RETREG1: variants seen among roughly 807,000 people sequenced by gnomAD.
RETREG1 encodes reticulophagy regulator 1, also known as family with sequence similarity 134 member B.
In RETREG1, 44 loss-of-function variants were observed where a neutral mutation model predicts 54.8. The observed-to-expected ratio is 0.80, with a 90% CI of 0.63 to 1.03. The LOEUF (loss-of-function observed/expected upper bound fraction) is 1.03. RETREG1 is among the 50% of genes least tolerant of loss of function. The pLI is 0.00. For synonymous variants in RETREG1, 217 were observed against 238.5 expected (o/e 0.91, Z 0.83); for missense variants, 554 against 605.1 (o/e 0.92, Z 0.89).
chr5:16,481,626 T>C (rs1436744570), intron 4 of RETREG1, among the ~76,000 whole-genome samples: 3 of 152,014 alleles, frequency 2.0e-5, no homozygotes, highest in African/African-American at 7.2e-5. Context: ...AGGATAAATT[T>C]ATGGCCATCA....
chr5:16,512,743 T>A (rs1360676878), intron 3 of RETREG1, among the ~76,000 whole-genome samples: 2 of 152,190 alleles, frequency 1.3e-5, no homozygotes, highest in African/African-American at 4.8e-5. Flanking sequence ...TGTCTCTTCA[T>A]ATCCCTTCCC....
rs144795117 is a variant in RETREG1, at chr5:16,508,228, T to C, written c.459-24756A>G. On this transcript the variant is annotated intron_variant, in intron 3 of 8. Coordinates refer to ENST00000306320, the MANE Select transcript of RETREG1 (RefSeq NM_001034850.3). ...GCAATAGGTTTTTAAAAATGTTCAA[T>C]AGCTTAGATTTCCAACAACTATCAT... Among the ~76,000 whole-genome samples, 1,069 of 152,362 alleles carry C rather than the reference T, an allele frequency of 7.0e-3. 12 individuals are homozygous for C. The highest frequency in any genetic ancestry group is 0.024 in the African/African-American group (1,015 of 41,576).
chr5:16,616,888 T>G lies in RETREG1; in HGVS notation c.84A>C (p.Pro28=), dbSNP rs1191188290. The part of the protein sequence containing the change: ...AAEEQAPPSP[P]PPQASPAERQ... ...GCTCTGCGGGGGATGCCTGGGGCGG[T>G]GGCGGCGACGGCGGCGCCTGCTCCT... The change falls in exon 1 of 9, where the codon CCA becomes CCC. Residue 28 remains proline (P), a synonymous_variant. Coordinates refer to ENST00000306320, the MANE Select transcript of RETREG1 (RefSeq NM_001034850.3). 7 of 1,484,200 alleles carry G rather than the reference T, an allele frequency of 4.7e-6. No individual in the cohort carries two copies. Among genetic ancestry groups the G allele is most frequent in the Non-Finnish European group, 6.2e-6 (7 of 1,124,762 alleles). 91.9% of individuals were successfully genotyped at this position (1,484,200 alleles called of 1,614,324 possible). A position where few individuals can be genotyped will look rare whatever the true frequency, so the allele number is the denominator to read the frequency against.
intron 3 of RETREG1, among the ~76,000 whole-genome samples, chr5:16,557,655 G>A (rs951627453): frequency 3.3e-5 from 5 of 152,180 alleles, no homozygotes; most frequent in Admixed American, 6.5e-5. Flanking sequence ...TTTTGAAAAA[G>A]GGAATAAAAG....
chr5:16,576,534 G>T (rs1484190035), intron 1 of RETREG1, among the ~76,000 whole-genome samples: 1 of 151,934 alleles, frequency 6.6e-6, no homozygotes, highest in Non-Finnish European at 1.5e-5. Flanking sequence ...TGCCCAGGCT[G>T]GAGTGCAATG....
intron 3 of RETREG1, among the ~76,000 whole-genome samples, chr5:16,535,647 G>A (rs1461159681): frequency 1.1e-4 from 16 of 139,414 alleles, no homozygotes; most frequent in South Asian, 7.2e-4. Context: ...GGGTTCCTGT[G>A]TGCACGCTGC....
In RETREG1 at chr5:16,494,511, T is replaced by C. The variant is rs1022333696; in HGVS notation, c.459-11039A>G. 6.6e-5 allele frequency among the ~76,000 whole-genome samples: 10 copies of C among 152,212 alleles called. No individual in the cohort carries two copies. In the South Asian group the frequency reaches 8.3e-4, roughly 13 times the overall value. ...TGATGGTGAGTGAGTTCTCAAGAGATATGGTTGTTTAAAGAACGTGTGGCA... is the reference window on the plus strand; with the variant it reads ...TGATGGTGAGTGAGTTCTCAAGAGACATGGTTGTTTAAAGAACGTGTGGCA... On this transcript the variant is annotated intron_variant, in intron 3 of 8. Coordinates refer to ENST00000306320, the MANE Select transcript of RETREG1 (RefSeq NM_001034850.3).
In RETREG1 at chr5:16,611,369, G is replaced by A. The variant is rs570533751; in HGVS notation, c.320+5283C>T. Among the ~76,000 whole-genome samples the A allele has an allele frequency of 2.6e-5, 4 of 152,196 alleles. No homozygotes were observed. In the South Asian group the frequency reaches 6.2e-4, roughly 24 times the overall value. ...GTATACATACGTAACAAACCTGCAC[G>A]TTGTGCACACGTACCCTAGAACTTG... On this transcript the variant is annotated intron_variant, in intron 1 of 8. Transcript: ENST00000306320.
intron 3 of RETREG1, among the ~76,000 whole-genome samples, chr5:16,525,790 T>C (rs1209413315): frequency 6.6e-6 from 1 of 150,570 alleles, no homozygotes; most frequent in Non-Finnish European, 1.5e-5. Flanking sequence ...AGATTGATTT[T>C]AAGGAAATGG....
intron 3 of RETREG1, among the ~76,000 whole-genome samples, chr5:16,497,061 A>G (rs1037856737): frequency 1.3e-5 from 2 of 152,206 alleles, no homozygotes; most frequent in Non-Finnish European, 2.9e-5. Flanking sequence ...TCTGCAAGCT[A>G]CTAGGAACTA....
chr5:16,576,673 C>CGG (rs371456051), intron 1 of RETREG1, among the ~76,000 whole-genome samples: 1 of 152,002 alleles, frequency 6.6e-6, no homozygotes, highest in African/African-American at 2.4e-5. Context: ...TTAGTAGAGA[C>CGG]GGGGTCTCTC....
chr5:16,565,173 T>A (rs1341444416), intron 3 of RETREG1, among the ~76,000 whole-genome samples: 1 of 152,174 alleles, frequency 6.6e-6, no homozygotes. Flanking sequence ...CCTTTCCTTG[T>A]CCATTTGGAA....
At chr5:16,520,451 T>C (rs1446956395) in intron 3 of RETREG1, among the ~76,000 whole-genome samples, 1 of 152,076 alleles carries the variant, frequency 6.6e-6, no homozygotes, top group African/African-American at 2.4e-5. Context: ...TGCCTCAGCC[T>C]CCCGAGTAGC....
rs561128577 is a variant in RETREG1 at position 16,574,089 on chromosome 5, G to C, written c.321-1987C>G. On this transcript the variant is annotated intron_variant, in intron 1 of 8. Coordinates refer to ENST00000306320, the MANE Select transcript of RETREG1 (RefSeq NM_001034850.3). ...GCGGCACTTAACTGGGTCTGGGGAG[G>C]TGGATGCAACTCAGATGAAAATAGA... is the stretch of plus-strand genomic sequence containing the variant. 5.6e-4 allele frequency among the ~76,000 whole-genome samples: 86 copies of C among 152,242 alleles called. 1 individual carries two copies.
chr5:16,610,918 A>G (rs184540122), intron 1 of RETREG1, among the ~76,000 whole-genome samples: 144 of 152,330 alleles, frequency 9.5e-4, no homozygotes, highest in African/African-American at 3.2e-3. Context: ...ATATACCCAA[A>G]GGACTATAAA....
chr5:16,577,457 C>G (rs1472693009), intron 1 of RETREG1, among the ~76,000 whole-genome samples: 1 of 151,934 alleles, frequency 6.6e-6, no homozygotes, highest in Non-Finnish European at 1.5e-5. Flanking sequence ...GGGTGACGGC[C>G]CTTCACTCCT....
At chr5:16,489,566 A>G (rs1245326376) in intron 3 of RETREG1, among the ~76,000 whole-genome samples, 1 of 152,250 alleles carries the variant, frequency 6.6e-6, no homozygotes, top group Non-Finnish European at 1.5e-5. Flanking sequence ...ATGCTGCAAC[A>G]AAATGAATCT....
At chr5:16,591,946 G>A (rs1452875677) in intron 1 of RETREG1, among the ~76,000 whole-genome samples, 1 of 152,202 alleles carries the variant, frequency 6.6e-6, no homozygotes, top group Non-Finnish European at 1.5e-5. Flanking sequence ...ACATGAAACA[G>A]CAACAAGAAA....
rs1243915299 is a variant in RETREG1, at chr5:16,473,605, T to G, written c.*1136A>C. 1 of 152,506 alleles carries G rather than the reference T, an allele frequency of 6.6e-6. No individual in the cohort carries two copies. Among genetic ancestry groups the G allele is most frequent in the Non-Finnish European group, 1.5e-5 (1 of 67,988 alleles). The allele number at this position is 152,506 out of a possible 1,614,324, so 9.4% of individuals were successfully genotyped here. ...AAAGTTTATATCACAAAAACAAAAC[T>G]AGGTTGGTTTCAGCTCTTTAGTCCT... On this transcript the variant is annotated 3_prime_UTR_variant, in exon 9 of 9. Transcript: ENST00000306320.
Sources: allele counts gnomAD v4.1 joint callset (sites outside exome capture counted in the v4.1 genomes callset), GRCh38; gene constraint gnomAD v4.1.1; transcripts MANE v1.5; gene names NCBI Gene and HGNC (gene_info 2026-07-23, HGNC 2026-07-21).